The following THSD7B variants were observed in gnomAD, a reference collection of about 807,000 sequenced individuals.
THSD7B encodes the protein thrombospondin type-1 domain-containing protein 7B.
THSD7B carries 138 observed loss-of-function variants against 213.6 expected under a neutral mutation model. The observed-to-expected ratio is 0.65, with a 90% CI of 0.56 to 0.74. The LOEUF (loss-of-function observed/expected upper bound fraction) is 0.74, where lower values mean the gene tolerates loss of function less well. Among genes scored for constraint, THSD7B ranks in the 30% least tolerant of loss-of-function variants. The pLI, the probability that THSD7B is intolerant of heterozygous loss-of-function variation, is 0.00. For synonymous variants in THSD7B, 742 were observed against 687.0 expected (o/e 1.08, Z -1.25); for missense variants, 1,931 against 1,991.5 (o/e 0.97, Z 0.58).
At position 137,451,024 on chromosome 2, in the gene THSD7B, G is replaced by C; in HGVS notation, c.3138+1G>C. Reference sequence around the variant, plus strand: ...TCCCAAACTGGATCTCAAGAATCAGGTAAAGTGCATGAAGCAACAAATAAA... The same window carrying C: ...TCCCAAACTGGATCTCAAGAATCAGCTAAAGTGCATGAAGCAACAAATAAA... On this transcript the variant is annotated splice_donor_variant, in intron 15 of 27. Transcript: ENST00000409968. LOFTEE classifies it high-confidence loss of function. 6.3e-7 allele frequency: 1 copy of C among 1,580,390 alleles called. No homozygotes were observed. The highest frequency in any genetic ancestry group is 8.6e-7 in the Non-Finnish European group (1 of 1,164,712).
At chr2:137,400,014 G>A (rs1686313490) in intron 12 of THSD7B, among the ~76,000 whole-genome samples, 1 of 152,000 alleles carries the variant, frequency 6.6e-6, no homozygotes. Context: ...AATTTCTTCA[G>A]TGAACTTTTC....
At chr2:137,076,941 C>T (rs957476255) in intron 3 of THSD7B, among the ~76,000 whole-genome samples, 5 of 151,686 alleles carry the variant, frequency 3.3e-5, no homozygotes, top group Admixed American at 6.6e-5. Context: ...TGTCATTTAA[C>T]ATTAGGTATA....
At chr2:137,587,909 G>T (rs1251088960) in intron 17 of THSD7B, among the ~76,000 whole-genome samples, 3 of 152,206 alleles carry the variant, frequency 2.0e-5, no homozygotes, top group Non-Finnish European at 4.4e-5. Flanking sequence ...GCTGCCTTTT[G>T]TTGGGCTGTG....
At position 137,342,688 on chromosome 2, in the gene THSD7B, A is replaced by T. The variant is rs556122982; in HGVS notation, c.2501-62925A>T. 1.5e-4 allele frequency among the ~76,000 whole-genome samples: 21 copies of T among 141,212 alleles called. No individual in the cohort carries two copies. In the East Asian group the frequency reaches 4.1e-3, roughly 28 times the overall value. The allele number at this position is 141,212 out of a possible 152,430, so 92.6% of individuals were successfully genotyped here. A position where few individuals can be genotyped will look rare whatever the true frequency, so the allele number is the denominator to read the frequency against. On this transcript the variant is annotated intron_variant, in intron 12 of 27. Transcript: ENST00000409968. ...TATTGTGTGTAGATGCATTCCTTCT[A>T]TACCTAATTTGGTGAGAAGATTTTG...
At chr2:137,590,941 A>G (rs1681853780) in intron 17 of THSD7B, among the ~76,000 whole-genome samples, 1 of 151,646 alleles carries the variant, frequency 6.6e-6, no homozygotes. Context: ...TGATTAGTCT[A>G]TTCACATTTT....
At chr2:137,355,665 G>A (rs1360516324) in intron 12 of THSD7B, among the ~76,000 whole-genome samples, 1 of 152,164 alleles carries the variant, frequency 6.6e-6, no homozygotes, top group African/African-American at 2.4e-5. Context: ...TGCAAATATA[G>A]TCACACCATT....
intron 12 of THSD7B, among the ~76,000 whole-genome samples, chr2:137,356,971 C>CAG (rs895139196): frequency 1.3e-5 from 1 of 79,120 alleles, no homozygotes; most frequent in African/African-American, 5.1e-5. Context: ...CACACAGACA[C>CAG]ACACACACAC....
chr2:137,476,662 C>A lies in THSD7B; in HGVS notation c.3138+25639C>A, dbSNP rs1573647797. 2.0e-5 allele frequency among the ~76,000 whole-genome samples: 3 copies of A among 152,158 alleles called. No homozygotes were observed. In the East Asian group the frequency reaches 5.8e-4, roughly 29 times the overall value. ...CTCAGCTCACTGCCACCTCCATCTCCTGGGTTCAAGGGATTCCCTTGCCTC... is the reference window on the plus strand; with the variant it reads ...CTCAGCTCACTGCCACCTCCATCTCATGGGTTCAAGGGATTCCCTTGCCTC... On this transcript the variant is annotated intron_variant, in intron 15 of 27. Coordinates refer to ENST00000409968, the MANE Select transcript of THSD7B (RefSeq NM_001316349.2).
chr2:137,473,602 C>A, intron 15 of THSD7B, among the ~76,000 whole-genome samples: 1 of 152,124 alleles, frequency 6.6e-6, no homozygotes, highest in East Asian at 1.9e-4. Flanking sequence ...ATGCTCACTT[C>A]AAAATTAGTC....
At chr2:136,979,671 C>T (rs1366685309) in intron 2 of THSD7B, among the ~76,000 whole-genome samples, 2 of 152,264 alleles carry the variant, frequency 1.3e-5, no homozygotes, top group Middle Eastern at 3.4e-3. Flanking sequence ...TGGTTAACAG[C>T]TCTTGTAATG....
At chr2:137,033,560 G>A (rs1166030433) in intron 2 of THSD7B, among the ~76,000 whole-genome samples, 1 of 151,996 alleles carries the variant, frequency 6.6e-6, no homozygotes, top group East Asian at 1.9e-4. Flanking sequence ...GTAGATACAG[G>A]GAGGGTTGAC....
rs4014250 is a variant in THSD7B at position 137,372,822 on chromosome 2, A to T, written c.2501-32791A>T. ...TTAACTCGTCATTTAGCATTAGGTA[A>T]ATCTCCTAAAGCTATCCCTTCCCCC... On this transcript the variant is annotated intron_variant, in intron 12 of 27. Transcript: ENST00000409968. 3.0e-3 allele frequency among the ~76,000 whole-genome samples: 445 copies of T among 150,470 alleles called. 2 individuals are homozygous for T. Among genetic ancestry groups the T allele is most frequent in the African/African-American group, 1.0e-2 (409 of 40,978 alleles).
chr2:136,878,555 T>G (rs1218569131), intron 1 of THSD7B, among the ~76,000 whole-genome samples: 9 of 152,050 alleles, frequency 5.9e-5, no homozygotes, highest in Admixed American at 6.6e-5. Flanking sequence ...GTGTTCCTAT[T>G]TCTCCACATC....
At chr2:137,437,138 A>C (rs1182815903) in intron 14 of THSD7B, among the ~76,000 whole-genome samples, 1 of 152,198 alleles carries the variant, frequency 6.6e-6, no homozygotes, top group Non-Finnish European at 1.5e-5. Context: ...TACTAGAAAG[A>C]TGAATGCAAA....
chr2:136,961,061 C>T (rs1685208752), intron 2 of THSD7B, among the ~76,000 whole-genome samples: 1 of 102,450 alleles, frequency 9.8e-6, no homozygotes, highest in African/African-American at 3.8e-5. Flanking sequence ...TGCACTCCAG[C>T]CTGGGTGACA....
At chr2:137,290,883 G>A (rs544458043) in intron 12 of THSD7B, among the ~76,000 whole-genome samples, 3 of 152,162 alleles carry the variant, frequency 2.0e-5, no homozygotes, top group African/African-American at 7.2e-5. Flanking sequence ...CTAGACCACT[G>A]TTGATATCCA....
rs572542320 is a variant in THSD7B at position 137,500,313 on chromosome 2, CAAATT to C, written c.3138+49294_3138+49298del. Among the ~76,000 whole-genome samples, 622 of 152,254 alleles carry C rather than the reference CAAATT, an allele frequency of 4.1e-3. 2 individuals are homozygous for C. The highest frequency in any genetic ancestry group is 6.7e-3 in the Non-Finnish European group (454 of 68,008). ...AAGGTTCAATCTACCACAGGAAAAACAAATTAAAGCAATTATTTGAATAATTCAGA... is the reference window on the plus strand; with the variant it reads ...AAGGTTCAATCTACCACAGGAAAAACAAAGCAATTATTTGAATAATTCAGA... On this transcript the variant is annotated intron_variant, in intron 15 of 27. Transcript: ENST00000409968.
chr2:136,886,832 G>A (rs926169251), intron 2 of THSD7B, among the ~76,000 whole-genome samples: 4 of 152,176 alleles, frequency 2.6e-5, no homozygotes, highest in Admixed American at 6.5e-5. Context: ...AATTGGGCAT[G>A]CTACACTTTT....
intron 3 of THSD7B, among the ~76,000 whole-genome samples, chr2:137,075,046 A>T (rs1011081326): frequency 6.6e-6 from 1 of 152,158 alleles, no homozygotes; most frequent in Non-Finnish European, 1.5e-5. Context: ...ACTTTGGTGA[A>T]TCTGACAATT....
Sources: gnomAD v4.1 joint callset for allele counts (sites outside exome capture counted in the v4.1 genomes callset) on GRCh38, gnomAD v4.1.1 for gene constraint, MANE v1.5 for transcripts, NCBI Gene and HGNC (gene_info 2026-07-23, HGNC 2026-07-21) for gene names.